Variants in CNTNAP5 observed in about 807,000 individuals in gnomAD.
CNTNAP5 encodes the protein contactin associated protein family member 5, also known as contactin-associated protein-like 5.
Under a neutral mutation model 150.2 loss-of-function variants are expected in CNTNAP5, and 72 were observed. That is an observed-to-expected ratio of 0.48 (90% CI 0.40 to 0.58). The LOEUF (loss-of-function observed/expected upper bound fraction) is 0.58, where lower values mean the gene tolerates loss of function less well. CNTNAP5 is among the 20% of genes least tolerant of loss of function. The pLI is 0.00. For missense variants in CNTNAP5, 1,636 were observed against 1,626.2 expected (o/e 1.01, Z -0.10); for synonymous variants, 672 against 619.8 (o/e 1.08, Z -1.25).
chr2:124,152,894 T>A (rs1439648019), intron 1 of CNTNAP5, among the ~76,000 whole-genome samples: 2 of 152,126 alleles, frequency 1.3e-5, no homozygotes, highest in Non-Finnish European at 2.9e-5. Context: ...GACAGGCAAA[T>A]GAAAATCATC....
intron 19 of CNTNAP5, among the ~76,000 whole-genome samples, chr2:124,848,231 T>G (rs1177749204): frequency 2.0e-5 from 3 of 152,216 alleles, no homozygotes; most frequent in Non-Finnish European, 4.4e-5. Context: ...GCTTCTATGA[T>G]TTCTACCTTT....
chr2:124,156,752 G>T (rs1022551812), intron 1 of CNTNAP5, among the ~76,000 whole-genome samples: 6 of 152,166 alleles, frequency 3.9e-5, no homozygotes, highest in African/African-American at 1.4e-4. Context: ...GCCTCCCAAA[G>T]TGCTGGGATT....
chr2:124,774,925 A>G (rs1035388984), intron 17 of CNTNAP5, among the ~76,000 whole-genome samples: 1 of 152,192 alleles, frequency 6.6e-6, no homozygotes, highest in Non-Finnish European at 1.5e-5. Context: ...GTTTCGGTTA[A>G]ATTGATCACA....
At chr2:124,583,588 G>T (rs1696462533) in intron 11 of CNTNAP5, among the ~76,000 whole-genome samples, 1 of 152,172 alleles carries the variant, frequency 6.6e-6, no homozygotes, top group South Asian at 2.1e-4. Flanking sequence ...CAATTTGACT[G>T]AACTAAATTC....
At chr2:124,480,521 A>C (rs1229282155) in intron 7 of CNTNAP5, among the ~76,000 whole-genome samples, 1 of 152,160 alleles carries the variant, frequency 6.6e-6, no homozygotes, top group Non-Finnish European at 1.5e-5. Flanking sequence ...GCAGGTGCAC[A>C]CATATAACAT....
intron 3 of CNTNAP5, among the ~76,000 whole-genome samples, chr2:124,310,108 A>C (rs1446025505): frequency 6.6e-6 from 1 of 151,898 alleles, no homozygotes; most frequent in Non-Finnish European, 1.5e-5. Flanking sequence ...GTGGTTCTCA[A>C]ATGTTAGTTT....
At chr2:124,702,994 G>A (rs754364203) in intron 13 of CNTNAP5, among the ~76,000 whole-genome samples, 65 of 152,232 alleles carry the variant, frequency 4.3e-4, no homozygotes, top group Non-Finnish European at 2.6e-4. Context: ...AATGTTAAAT[G>A]TGCCAGCTGT....
intron 17 of CNTNAP5, among the ~76,000 whole-genome samples, chr2:124,780,838 A>G (rs1647294815): frequency 2.6e-5 from 4 of 152,256 alleles, no homozygotes; most frequent in Admixed American, 2.6e-4. Flanking sequence ...ATTTGGCCTC[A>G]GCCACTGACC....
intron 13 of CNTNAP5, among the ~76,000 whole-genome samples, chr2:124,710,111 G>A (rs1039582428): frequency 6.3e-5 from 9 of 143,350 alleles, no homozygotes; most frequent in Non-Finnish European, 1.2e-4. Context: ...TTGTGTTTAT[G>A]CCGAGATGAT....
At chr2:124,466,970 C>T (rs948546912) in intron 6 of CNTNAP5, among the ~76,000 whole-genome samples, 10 of 152,088 alleles carry the variant, frequency 6.6e-5, no homozygotes, top group Middle Eastern at 3.4e-3. Flanking sequence ...GTTTGAAATG[C>T]GGACAAAGGT....
intron 21 of CNTNAP5, among the ~76,000 whole-genome samples, chr2:124,887,626 A>C (rs961697072): frequency 3.9e-5 from 6 of 152,124 alleles, no homozygotes; most frequent in Non-Finnish European, 7.4e-5. Flanking sequence ...TGCCATATGG[A>C]GGCAATTATA....
chr2:124,374,582 A>G (rs1015073569), intron 3 of CNTNAP5, among the ~76,000 whole-genome samples: 1 of 152,176 alleles, frequency 6.6e-6, no homozygotes, highest in Admixed American at 6.6e-5. Context: ...TTGATAAAGT[A>G]TTCTAGGCAA....
intron 13 of CNTNAP5, among the ~76,000 whole-genome samples, chr2:124,655,418 A>G (rs991129150): frequency 6.6e-5 from 10 of 152,106 alleles, no homozygotes; most frequent in Non-Finnish European, 1.3e-4. Flanking sequence ...GGTTGGTCCC[A>G]AGTCTTTGTT....
At chr2:124,255,677 C>T (rs1343351640) in intron 3 of CNTNAP5, among the ~76,000 whole-genome samples, 1 of 151,180 alleles carries the variant, frequency 6.6e-6, no homozygotes, top group Non-Finnish European at 1.5e-5. Context: ...CAGAATCATC[C>T]CTATTTGGGG....
chr2:124,498,131 A>T (rs998509533), intron 7 of CNTNAP5, among the ~76,000 whole-genome samples: 2 of 152,174 alleles, frequency 1.3e-5, no homozygotes, highest in African/African-American at 4.8e-5. Flanking sequence ...CCATCAGCAT[A>T]TGGCACACTT....
chr2:124,505,635 G>C (rs1166052405), intron 8 of CNTNAP5, among the ~76,000 whole-genome samples: 3 of 152,092 alleles, frequency 2.0e-5, no homozygotes, highest in Non-Finnish European at 4.4e-5. Context: ...TGAACAAATT[G>C]TATTTCTGGA....
At chr2:124,408,156 G>C (rs781499218) in intron 3 of CNTNAP5, among the ~76,000 whole-genome samples, 1 of 151,924 alleles carries the variant, frequency 6.6e-6, no homozygotes, top group Non-Finnish European at 1.5e-5. Flanking sequence ...ACTCCCACCC[G>C]AATACTGCGC....
intron 3 of CNTNAP5, among the ~76,000 whole-genome samples, chr2:124,312,417 C>T (rs1172157599): frequency 2.0e-5 from 3 of 152,050 alleles, no homozygotes; most frequent in Admixed American, 6.5e-5. Context: ...GGCGTGATCT[C>T]GGCTCACTGC....
At chr2:124,283,686 G>A (rs1028118455) in intron 3 of CNTNAP5, among the ~76,000 whole-genome samples, 5 of 152,146 alleles carry the variant, frequency 3.3e-5, no homozygotes, top group East Asian at 3.9e-4. Context: ...TACTACATAC[G>A]AGGTGACTTA....
Sources: allele counts gnomAD v4.1 joint callset (sites outside exome capture counted in the v4.1 genomes callset), GRCh38; gene constraint gnomAD v4.1.1; transcripts MANE v1.5; gene names NCBI Gene and HGNC (gene_info 2026-07-23, HGNC 2026-07-21).